The following SYT17 variants were observed in gnomAD, a reference collection of about 807,000 sequenced individuals.
The protein encoded by SYT17 is synaptotagmin 17.
SYT17 carries 22 observed loss-of-function variants against 46.7 expected under a neutral mutation model. The ratio of observed to expected loss-of-function variants is 0.47; its 90% confidence interval spans 0.34 to 0.67. The LOEUF is 0.67. Among genes scored for constraint, SYT17 ranks in the 30% least tolerant of loss-of-function variants. The probability of loss-of-function intolerance (pLI) is 0.01; values close to 1 mark genes in which losing one functional copy is unlikely to be tolerated. For synonymous variants in SYT17, 251 were observed against 248.4 expected (o/e 1.01, Z -0.10); for missense variants, 519 against 612.8 (o/e 0.85, Z 1.62).
At chr16:19,195,813 C>T (rs1218482018) in intron 5 of SYT17, among the ~76,000 whole-genome samples, 2 of 152,028 alleles carry the variant, frequency 1.3e-5, no homozygotes, top group East Asian at 1.9e-4. Flanking sequence ...GTGAGATCCC[C>T]ATCTCTACAA....
intron 5 of SYT17, among the ~76,000 whole-genome samples, chr16:19,221,485 T>C (rs1966315671): frequency 6.6e-6 from 1 of 152,204 alleles, no homozygotes; most frequent in African/African-American, 2.4e-5. Flanking sequence ...TAAGTTAAAA[T>C]GTGATGTGGG....
At chr16:19,191,402 C>G (rs1485812653) in intron 5 of SYT17, among the ~76,000 whole-genome samples, 3 of 152,150 alleles carry the variant, frequency 2.0e-5, no homozygotes, top group African/African-American at 7.2e-5. Context: ...TTGCCTTGCC[C>G]CTTCCTCCAT....
chr16:19,267,793 G>T lies in SYT17; in HGVS notation c.*717G>T, dbSNP rs1312549930. The stretch of plus-strand genomic sequence containing the variant: ...TGCATGTGCCCTCACAGGCGAACAC[G>T]TGTGTGCCTATGTGTCCTCTTGGAG... On this transcript the variant is annotated 3_prime_UTR_variant, in exon 8 of 8. Transcript: ENST00000355377. The T allele has an allele frequency of 1.3e-5, 2 of 152,250 alleles. No homozygotes were observed. Among genetic ancestry groups the T allele is most frequent in the African/African-American group, 2.4e-5 (1 of 41,438 alleles). The allele number at this position is 152,250 out of a possible 1,614,324, so 9.4% of individuals were successfully genotyped here. A position where few individuals can be genotyped will look rare whatever the true frequency, so the allele number is the denominator to read the frequency against.
At chr16:19,265,183 A>C (rs1969278317) in intron 7 of SYT17, among the ~76,000 whole-genome samples, 1 of 152,154 alleles carries the variant, frequency 6.6e-6, no homozygotes, top group African/African-American at 2.4e-5. Context: ...TTACCTGTTC[A>C]ATTATTTTTT....
intron 7 of SYT17, among the ~76,000 whole-genome samples, chr16:19,253,986 C>A (rs1274211570): frequency 2.0e-5 from 3 of 152,182 alleles, no homozygotes; most frequent in Non-Finnish European, 4.4e-5. Context: ...GCCTTGGCCT[C>A]CCAAAGTGGT....
At position 19,226,188 on chromosome 16, in the gene SYT17, G is replaced by C. The variant is rs149274421; in HGVS notation, c.1228+1350G>C. Reference sequence around the variant, plus strand: ...TTAAAACCTAAACAACCTACACAAAGTCTCAAGCTGATAGAATCAGGACTC... The same window carrying C: ...TTAAAACCTAAACAACCTACACAAACTCTCAAGCTGATAGAATCAGGACTC... On this transcript the variant is annotated intron_variant, in intron 7 of 7. Coordinates refer to ENST00000355377, the MANE Select transcript of SYT17 (RefSeq NM_016524.4). 4.1e-4 allele frequency among the ~76,000 whole-genome samples: 63 copies of C among 152,230 alleles called. 1 individual carries two copies. The East Asian group carries it at 9.1e-3, about 22-fold the overall frequency.
In SYT17 at chr16:19,219,080, G is replaced by A. The variant is rs538733187; in HGVS notation, c.952-3965G>A. Among the ~76,000 whole-genome samples the A allele has an allele frequency of 6.6e-5, 10 of 152,120 alleles. No individual in the cohort carries two copies. The South Asian group carries it at 1.0e-3, about 16-fold the overall frequency. On this transcript the variant is annotated intron_variant, in intron 5 of 7. Transcript: ENST00000355377. ...TTTTCCTTTTTCATATTTATTTTAT[G>A]TTTTTAATGGGAATATTTCCCACAT...
chr16:19,254,206 C>A (rs2142998288), intron 7 of SYT17, among the ~76,000 whole-genome samples: 1 of 152,348 alleles, frequency 6.6e-6, no homozygotes, highest in Non-Finnish European at 1.5e-5. Context: ...CCCTCTGCAA[C>A]TCCCTGAGTG....
intron 5 of SYT17, among the ~76,000 whole-genome samples, chr16:19,185,933 A>G (rs1964770663): frequency 6.6e-6 from 1 of 152,146 alleles, no homozygotes. Flanking sequence ...GGCAGACAAG[A>G]GGCGGGGAGT....
chr16:19,180,206 AT>A (rs1801137666), intron 3 of SYT17, 184 bp from the exon 4 acceptor site: 1 of 587,356 alleles, frequency 1.7e-6, no homozygotes, highest in Non-Finnish European at 3.0e-6. Context: ...ATCATTTCAC[AT>A]TTTGTGCAAA....
In SYT17 at chr16:19,189,353, T is replaced by TTC. The variant is rs1177098107; in HGVS notation, c.951+5207_951+5208insCT. Among the ~76,000 whole-genome samples the TTC allele has an allele frequency of 7.0e-3, 1,054 of 151,158 alleles. 7 individuals are homozygous for TTC. Among genetic ancestry groups the TTC allele is most frequent in the African/African-American group, 0.024 (983 of 40,996 alleles). On this transcript the variant is annotated intron_variant, in intron 5 of 7. Transcript: ENST00000355377. ...CTCAACCTGTCTTTTTTTTTTTTTT[T>TTC]TTTCTGAGACAGGGTCTTGCTCTGT...
chr16:19,211,282 T>C (rs1000889465), intron 5 of SYT17: 17 of 570,122 alleles, frequency 3.0e-5, no homozygotes, highest in Non-Finnish European at 5.1e-5. Flanking sequence ...CTGTGGGGGT[T>C]GGATAGGACA....
At chr16:19,215,152 A>G (rs1432793975) in intron 5 of SYT17, among the ~76,000 whole-genome samples, 1 of 152,008 alleles carries the variant, frequency 6.6e-6, no homozygotes. Context: ...CTCAACGGGA[A>G]CTGCAGTGCT....
intron 5 of SYT17, among the ~76,000 whole-genome samples, chr16:19,191,899 C>G (rs1438890964): frequency 6.6e-6 from 1 of 152,056 alleles, no homozygotes; most frequent in East Asian, 1.9e-4. Context: ...ATTCTCCTGC[C>G]CCAGCCTCTC....
At chr16:19,216,380 C>CTTTTTTTTTTTTTTTTTTT (rs5816039) in intron 5 of SYT17, among the ~76,000 whole-genome samples, 1 of 141,556 alleles carries the variant, frequency 7.1e-6, no homozygotes, top group Non-Finnish European at 1.6e-5. Context: ...ACAATTATTT[C>CTTTTTTTTTTTTTTTTTTT]TTTTTTTTTT....
chr16:19,187,289 A>G (rs1964825921), intron 5 of SYT17, among the ~76,000 whole-genome samples: 1 of 152,104 alleles, frequency 6.6e-6, no homozygotes, highest in Non-Finnish European at 1.5e-5. Flanking sequence ...CGATCCTCTC[A>G]CCTCGGCCTC....
chr16:19,205,757 T>A (rs895470828), intron 5 of SYT17, among the ~76,000 whole-genome samples: 1 of 152,216 alleles, frequency 6.6e-6, no homozygotes, highest in Non-Finnish European at 1.5e-5. Flanking sequence ...GCTGGGATTA[T>A]GGGCGTGAGC....
rs1964189032 is a variant in SYT17 at position 19,173,486 on chromosome 16, C to T, written c.90C>T (p.Cys30=). Residue 30 remains cysteine (C), a synonymous_variant, in exon 3 of 8, where the codon TGC becomes TGT. Coordinates refer to ENST00000355377, the MANE Select transcript of SYT17 (RefSeq NM_016524.4). ...TGTGCAGATGGACCTGCCGGCACTG[C>T]TGTCAGAAGTGCTACGAGTCCAGCT... is the stretch of plus-strand genomic sequence containing the variant. ...LLLCRWTCRH[C]CQKCYESSCC... The T allele has an allele frequency of 1.2e-6, 2 of 1,613,114 alleles. No homozygotes were observed. Among genetic ancestry groups the T allele is most frequent in the Non-Finnish European group, 1.7e-6 (2 of 1,179,868 alleles).
intron 7 of SYT17, among the ~76,000 whole-genome samples, chr16:19,261,357 T>C (rs1968960563): frequency 6.6e-6 from 1 of 152,244 alleles, no homozygotes; most frequent in Non-Finnish European, 1.5e-5. Context: ...GCTAATTAAC[T>C]CAGATGGCCA....
Sources: allele counts gnomAD v4.1 joint callset (sites outside exome capture counted in the v4.1 genomes callset), GRCh38; gene constraint gnomAD v4.1.1; transcripts MANE v1.5; gene names NCBI Gene and HGNC (gene_info 2026-07-23, HGNC 2026-07-21).